PTPRF: variants seen among roughly 807,000 people sequenced by gnomAD.
PTPRF encodes the protein receptor-type tyrosine-protein phosphatase F.
In PTPRF, 59 loss-of-function variants were observed where a neutral mutation model predicts 201.8. That is an observed-to-expected ratio of 0.29 (90% CI 0.24 to 0.36). The LOEUF is 0.36. PTPRF is among the 10% of genes least tolerant of loss of function. The pLI, the probability that PTPRF is intolerant of heterozygous loss-of-function variation, is 1.00. For missense variants in PTPRF, 2,132 were observed against 2,690.5 expected (o/e 0.79, Z 4.59); for synonymous variants, 1,088 against 1,089.7 (o/e 1.00, Z 0.03).
chr1:43,589,233 A>G (rs1408107754), intron 8 of PTPRF, among the ~76,000 whole-genome samples: 2 of 152,150 alleles, frequency 1.3e-5, no homozygotes, highest in Middle Eastern at 3.4e-3. Context: ...GGGAGACATC[A>G]TGCTAGCAAG....
intron 5 of PTPRF, among the ~76,000 whole-genome samples, chr1:43,559,280 G>A (rs1234341128): frequency 6.6e-6 from 1 of 152,190 alleles, no homozygotes; most frequent in African/African-American, 2.4e-5. Flanking sequence ...AAGGGGCAGT[G>A]TGTGCAGGAG....
upstream of PTPRF, among the ~76,000 whole-genome samples, chr1:43,529,400 A>C (rs1287735513): frequency 1.3e-5 from 2 of 152,206 alleles, no homozygotes; most frequent in South Asian, 2.1e-4. Context: ...AGATCCCTGA[A>C]CACCACAGCA....
intron 6 of PTPRF, among the ~76,000 whole-genome samples, chr1:43,570,322 C>T (rs780966006): frequency 5.3e-5 from 8 of 152,346 alleles, no homozygotes; most frequent in East Asian, 1.9e-4. Context: ...AGGATGCCAT[C>T]GTGCAGGAGG....
Position 43,591,104 on chromosome 1 carries a change from G to T in PTPRF, c.1082G>T (p.Gly361Val). The change falls in exon 9 of 34, where the codon GGC becomes GTC. Residue 361 changes from glycine (G) to valine (V), a missense_variant. By Grantham distance (109) the Gly-to-Val change is moderately radical. Transcript: ENST00000359947. ...CAGTACCGCGCAGCGGGCACGGAGG[G>T]CCCCTTTCAGGAGGTGGATGGTGTG... ...GIQYRAAGTEGPFQEVDGVAT... is the reference protein window; with the variant it reads ...GIQYRAAGTEVPFQEVDGVAT... 2 of 1,613,878 alleles carry T rather than the reference G, an allele frequency of 1.2e-6. No homozygotes were observed. Among genetic ancestry groups the T allele is most frequent in the Non-Finnish European group, 1.7e-6 (2 of 1,180,052 alleles).
intron 5 of PTPRF, among the ~76,000 whole-genome samples, chr1:43,565,250 T>C (rs537771954): frequency 4.6e-5 from 7 of 152,160 alleles, no homozygotes; most frequent in African/African-American, 1.7e-4. Flanking sequence ...CATCCACTTC[T>C]GAACCTTGGA....
chr1:43,592,634 C>G lies in PTPRF; in HGVS notation c.1813+33C>G, dbSNP rs150618150. The G allele has an allele frequency of 1.2e-5, 19 of 1,548,540 alleles. No homozygotes were observed. The Admixed American group carries it at 2.7e-4, about 22-fold the overall frequency. ...TCTCCCAAGTCCGCTGCCTGTTACA[C>G]CTGGGCTGGGACACACACACACACA... On this transcript the variant is annotated intron_variant, in intron 11 of 33. Coordinates refer to ENST00000359947, the MANE Select transcript of PTPRF (RefSeq NM_002840.5).
At position 43,601,651 on chromosome 1, in the gene PTPRF, A is replaced by G. The variant is rs1487139870; in HGVS notation, c.2314-420A>G. ...CACAGGCCAGGACTGTCCGAGGCAA[A>G]CCAGGGCATATGGGCACCCCATTCA... On this transcript the variant is annotated intron_variant, in intron 13 of 33. Transcript: ENST00000359947. Among the ~76,000 whole-genome samples, 3 of 152,328 alleles carry G rather than the reference A, an allele frequency of 2.0e-5. No homozygotes were observed. In the East Asian group the frequency reaches 5.8e-4, roughly 29 times the overall value.
chr1:43,614,220 G>A (rs1657178081), intron 23 of PTPRF, among the ~76,000 whole-genome samples: 1 of 152,224 alleles, frequency 6.6e-6, no homozygotes, highest in Admixed American at 6.5e-5. Flanking sequence ...GAAGTGACTT[G>A]CCCAAGTCAA....
intron 21 of PTPRF, among the ~76,000 whole-genome samples, chr1:43,607,588 T>C (rs1655432235): frequency 1.3e-5 from 2 of 152,214 alleles, no homozygotes; most frequent in African/African-American, 4.8e-5. Flanking sequence ...TTTCCAAAGA[T>C]TTAACTTTGT....
chr1:43,524,795 C>G (rs79947000), upstream of PTPRF, among the ~76,000 whole-genome samples: 4,736 of 152,140 alleles, frequency 0.031, 255 homozygotes, highest in African/African-American at 0.11. Context: ...TGGCTTTAAT[C>G]CTCTCTATAA....
At chr1:43,559,893 C>CTCTG in intron 5 of PTPRF, among the ~76,000 whole-genome samples, 1 of 144,102 alleles carries the variant, frequency 6.9e-6, no homozygotes, top group South Asian at 2.2e-4. Context: ...ATGTATCAGG[C>CTCTG]TGTGTGTGTG....
At chr1:43,572,754 G>A (rs1023393115) in intron 6 of PTPRF, among the ~76,000 whole-genome samples, 11 of 152,142 alleles carry the variant, frequency 7.2e-5, no homozygotes, top group African/African-American at 2.4e-4. Context: ...GCAGCCCTGT[G>A]AAGTAGGACA....
chr1:43,555,688 C>T (rs543526734), intron 5 of PTPRF, among the ~76,000 whole-genome samples: 1 of 152,232 alleles, frequency 6.6e-6, no homozygotes, highest in East Asian at 1.9e-4. Flanking sequence ...TCGTGATCCG[C>T]CCACCTTGGC....
intron 21 of PTPRF, 73 bp from the exon 22 acceptor site, chr1:43,609,310 A>C: frequency 7.9e-7 from 1 of 1,267,546 alleles, no homozygotes; most frequent in Non-Finnish European, 1.1e-6. Context: ...GCTCCTTGGC[A>C]GCCAGCCATG....
chr1:43,538,825 C>G (rs1644188782), intron 2 of PTPRF, among the ~76,000 whole-genome samples: 1 of 152,156 alleles, frequency 6.6e-6, no homozygotes, highest in South Asian at 2.1e-4. Flanking sequence ...GTTCTCCTCT[C>G]TGTCTGTTAG....
chr1:43,598,970 C>CTGG, intron 13 of PTPRF, 57 bp downstream of exon 13: 1 of 1,556,368 alleles, frequency 6.4e-7, no homozygotes, highest in East Asian at 2.3e-5. Flanking sequence ...CATGCACAAG[C>CTGG]TCCCTTTTGG....
chr1:43,574,910 C>T (rs541884713), intron 6 of PTPRF, among the ~76,000 whole-genome samples: 4 of 152,344 alleles, frequency 2.6e-5, no homozygotes, highest in Non-Finnish European at 5.9e-5. Flanking sequence ...TGTCTCTTGG[C>T]CTCTGTTTTC....
rs753867456 is a variant in PTPRF, at chr1:43,597,896, C to T, written c.1962C>T (p.Arg654=). The change falls in exon 12 of 34, where the codon CGC becomes CGT. Residue 654 remains arginine, a synonymous_variant. Transcript: ENST00000359947. ...VAYEAVDGED[R]GRHVVDGISR... ...ACGAGGCGGTGGACGGCGAGGACCG[C>T]GGGCGGCATGTGGTGGATGGCATCA... 65 of 1,605,872 alleles carry T rather than the reference C, an allele frequency of 4.0e-5. No homozygotes were observed. The highest frequency in any genetic ancestry group is 2.0e-4 in the African/African-American group (15 of 74,866).
chr1:43,589,068 G>A lies in PTPRF; in HGVS notation c.949+68G>A, dbSNP rs1024564900. Reference sequence around the variant, plus strand: ...TGGGAGGTCCTGGTGGTGGGCGAATGTGAGCTGGCTGCCATGGGCACAGGC... The same window carrying A: ...TGGGAGGTCCTGGTGGTGGGCGAATATGAGCTGGCTGCCATGGGCACAGGC... On this transcript the variant is annotated intron_variant, in intron 8 of 33. Transcript: ENST00000359947. 7 of 1,453,068 alleles carry A rather than the reference G, an allele frequency of 4.8e-6. No homozygotes were observed. In the Admixed American group the frequency reaches 1.6e-4, roughly 34 times the overall value. The allele number at this position is 1,453,068 out of a possible 1,614,324, so 90.0% of individuals were successfully genotyped here.
Sources: allele counts gnomAD v4.1 joint callset (sites outside exome capture counted in the v4.1 genomes callset), GRCh38; gene constraint gnomAD v4.1.1; transcripts MANE v1.5; gene names NCBI Gene and HGNC (gene_info 2026-07-23, HGNC 2026-07-21).